The following GRK5 variants were observed in gnomAD, a reference collection of about 807,000 sequenced individuals.
GRK5 encodes the protein g protein-coupled receptor kinase GRK5.
Under a neutral mutation model 78.4 loss-of-function variants are expected in GRK5, and 40 were observed. The ratio of observed to expected loss-of-function variants is 0.51; its 90% CI spans 0.40 to 0.66. The LOEUF is 0.66. GRK5 is among the 30% of genes least tolerant of loss of function. The probability of loss-of-function intolerance (pLI) is 0.00; values close to 1 mark genes in which losing one functional copy is unlikely to be tolerated. For missense variants in GRK5, 598 were observed against 759.9 expected (o/e 0.79, Z 2.50); for synonymous variants, 289 against 296.8 (o/e 0.97, Z 0.27).
intron 9 of GRK5, among the ~76,000 whole-genome samples, chr10:119,438,125 A>T (rs1056546610): frequency 2.6e-5 from 4 of 152,224 alleles, no homozygotes; most frequent in African/African-American, 9.6e-5. Context: ...TCGAGTTGCC[A>T]TTGTAATTAG....
At chr10:119,435,078 G>A (rs1248416356) in intron 8 of GRK5, among the ~76,000 whole-genome samples, 3 of 152,188 alleles carry the variant, frequency 2.0e-5, no homozygotes, top group Non-Finnish European at 4.4e-5. Context: ...GGGACTCAGG[G>A]CACTGGGCAC....
rs556321190 is a variant in GRK5, at chr10:119,378,927, A to G, written c.149-1888A>G. On this transcript the variant is annotated intron_variant, in intron 2 of 15. Coordinates refer to ENST00000392870, the MANE Select transcript of GRK5 (RefSeq NM_005308.3). This position sits in a 1 kb window ranked among gnomAD's most constrained non-coding sequence, Gnocchi z 4.5. ...AGAGGCCTCTGATTGGCTGTGACTA[A>G]GTGACGTGTCCATCCGTGACCGTAG... Among the ~76,000 whole-genome samples, 197 of 152,340 alleles carry G rather than the reference A, an allele frequency of 1.3e-3. No homozygotes were observed. The highest frequency in any genetic ancestry group is 4.1e-3 in the African/African-American group (171 of 41,566).
At chr10:119,281,445 G>A (rs1163750708) in intron 1 of GRK5, among the ~76,000 whole-genome samples, 1 of 152,130 alleles carries the variant, frequency 6.6e-6, no homozygotes, top group East Asian at 1.9e-4. Context: ...ATTAGGTGTC[G>A]AGCACCCAGA....
Position 119,425,268 on chromosome 10 carries a change from T to TACACACACACACACACACAC in GRK5, c.533+193_533+212dup, listed in dbSNP as rs112640010. Among the ~76,000 whole-genome samples, 407 of 126,700 alleles carry TACACACACACACACACACAC rather than the reference T, an allele frequency of 3.2e-3. 2 individuals are homozygous for TACACACACACACACACACAC. Among genetic ancestry groups the TACACACACACACACACACAC allele is most frequent in the African/African-American group, 9.8e-3 (375 of 38,370 alleles). The allele number at this position is 126,700 out of a possible 152,430, so 83.1% of individuals were successfully genotyped here. A position where few individuals can be genotyped will look rare whatever the true frequency, so the allele number is the denominator to read the frequency against. On this transcript the variant is annotated intron_variant, in intron 6 of 15. Coordinates refer to ENST00000392870, the MANE Select transcript of GRK5 (RefSeq NM_005308.3). ...GTATGCTTATTCAAGCACACACACA[T>TACACACACACACACACACAC]ACACACACACACACACACACACACA...
intron 1 of GRK5, among the ~76,000 whole-genome samples, chr10:119,230,664 C>G (rs1445018526): frequency 6.6e-6 from 1 of 151,590 alleles, no homozygotes; most frequent in Non-Finnish European, 1.5e-5. Context: ...ACCGTATCAC[C>G]CCATCTCTAC....
intron 4 of GRK5, among the ~76,000 whole-genome samples, chr10:119,420,437 A>G (rs993779653): frequency 6.6e-6 from 1 of 151,720 alleles, no homozygotes; most frequent in African/African-American, 2.4e-5. Context: ...GTACAGTACA[A>G]CCGAGAGGCA....
chr10:119,326,444 T>C, intron 1 of GRK5, 72 bp from the exon 2 acceptor site: 2 of 1,251,972 alleles, frequency 1.6e-6, no homozygotes, highest in African/African-American at 1.5e-5. Flanking sequence ...AGGAGGCTGG[T>C]GGGCAGGCTC....
chr10:119,340,320 C>T lies in GRK5; in HGVS notation c.148+13709C>T, dbSNP rs1176147162. Among the ~76,000 whole-genome samples the T allele has an allele frequency of 3.3e-5, 5 of 152,190 alleles. No individual in the cohort carries two copies. In the East Asian group the frequency reaches 7.7e-4, roughly 24 times the overall value. ...TTTTGTATTTTTAATAGAGACAGGGCTTTGCCATATTGGCCAGGCTGGTCT... is the reference window on the plus strand; with the variant it reads ...TTTTGTATTTTTAATAGAGACAGGGTTTTGCCATATTGGCCAGGCTGGTCT... On this transcript the variant is annotated intron_variant, in intron 2 of 15. Transcript: ENST00000392870.
At chr10:119,332,137 G>C (rs1159767230) in intron 2 of GRK5, among the ~76,000 whole-genome samples, 7 of 133,812 alleles carry the variant, frequency 5.2e-5, no homozygotes, top group South Asian at 2.5e-4. Flanking sequence ...CTCAGAGTTT[G>C]ACTCTGTCGC....
chr10:119,282,237 G>T (rs1849774546), intron 1 of GRK5, among the ~76,000 whole-genome samples: 1 of 152,154 alleles, frequency 6.6e-6, no homozygotes, highest in Non-Finnish European at 1.5e-5. Flanking sequence ...TGAGCACTGG[G>T]CTGTCTCTTT....
intron 1 of GRK5, among the ~76,000 whole-genome samples, chr10:119,313,053 A>AGGTG (rs1850402347): frequency 1.0e-4 from 1 of 9,980 alleles, no homozygotes. Flanking sequence ...GGTGGTGGTA[A>AGGTG]TGATGATGGT....
chr10:119,247,773 G>A (rs1159592520), intron 1 of GRK5, among the ~76,000 whole-genome samples: 1 of 152,198 alleles, frequency 6.6e-6, no homozygotes, highest in African/African-American at 2.4e-5. Context: ...TTGGCAAGTG[G>A]TGACTTGTAA....
At chr10:119,454,251 C>T (rs957179351) in intron 15 of GRK5, among the ~76,000 whole-genome samples, 7 of 152,208 alleles carry the variant, frequency 4.6e-5, no homozygotes, top group African/African-American at 1.7e-4. Context: ...AAAGAAATTA[C>T]CATGGAGTCT....
At chr10:119,261,190 T>C (rs1243862323) in intron 1 of GRK5, among the ~76,000 whole-genome samples, 26 of 142,492 alleles carry the variant, frequency 1.8e-4, no homozygotes, top group African/African-American at 6.9e-4. Flanking sequence ...ACGGGGCGGC[T>C]GCCGGGCGGA....
chr10:119,396,559 C>A lies in GRK5; in HGVS notation c.262-136C>A, dbSNP rs79575160. The A allele has an allele frequency of 4.8e-4, 331 of 691,778 alleles. 3 individuals carry two copies. In the East Asian group the frequency reaches 8.7e-3, roughly 18 times the overall value. 42.9% of individuals were successfully genotyped at this position (691,778 alleles called of 1,614,324 possible). On this transcript the variant is annotated intron_variant, in intron 3 of 15. Coordinates refer to ENST00000392870, the MANE Select transcript of GRK5 (RefSeq NM_005308.3). The stretch of plus-strand genomic sequence containing the variant: ...GGCTCCGTGGCCAGGTCTTCCCCCC[C>A]GGTTTCCTGACCTGCAGGAGAAGGG...
intron 4 of GRK5, among the ~76,000 whole-genome samples, chr10:119,418,526 A>T (rs1852508764): frequency 6.6e-6 from 1 of 152,142 alleles, no homozygotes; most frequent in African/African-American, 2.4e-5. Context: ...CAGAGAGATG[A>T]TTACAGAGCC....
In GRK5 at chr10:119,379,812, T is replaced by A. The variant is rs1359701534; in HGVS notation, c.149-1003T>A. On this transcript the variant is annotated intron_variant, in intron 2 of 15. Transcript: ENST00000392870. This position sits in a 1 kb window ranked among gnomAD's most constrained non-coding sequence, Gnocchi z 4.1. ...AAAGGGAAAGGGCCCCCATCCCAAC[T>A]CCAGCATGCCCTTCTTGTTTTCAGA... Among the ~76,000 whole-genome samples the A allele has an allele frequency of 6.6e-6, 1 of 152,178 alleles. No individual in the cohort carries two copies. The highest frequency in any genetic ancestry group is 2.4e-5 in the African/African-American group (1 of 41,504).
chr10:119,406,450 T>C (rs996647625), intron 4 of GRK5: 14 of 973,252 alleles, frequency 1.4e-5, no homozygotes, highest in African/African-American at 1.3e-4. Flanking sequence ...GTGTGAAATA[T>C]GGGAAGCTTG....
intron 1 of GRK5, among the ~76,000 whole-genome samples, chr10:119,208,818 A>G (rs1848432731): frequency 6.6e-6 from 1 of 151,696 alleles, no homozygotes; most frequent in African/African-American, 2.4e-5. Context: ...AAGGGGGGGG[A>G]GGCAGAAACT....
Sources: gnomAD v4.1 joint callset for allele counts (sites outside exome capture counted in the v4.1 genomes callset) on GRCh38, gnomAD v4.1.1 for gene constraint, Gnocchi (gnomAD v3.1) non-coding constraint, MANE v1.5 for transcripts, NCBI Gene and HGNC (gene_info 2026-07-23, HGNC 2026-07-21) for gene names.